Variants in SOX5 observed in about 807,000 individuals in gnomAD.
SOX5 encodes SRY-box transcription factor 5.
Under a neutral mutation model 92.0 loss-of-function variants are expected in SOX5, and 9 were observed. The observed-to-expected ratio is 0.10, with a 90% CI of 0.06 to 0.17. SOX5 has a LOEUF of 0.17. Among genes scored for constraint, SOX5 ranks in the 10% least tolerant of loss-of-function variants. The pLI is 1.00. For missense variants in SOX5, 642 were observed against 944.5 expected (o/e 0.68, Z 4.20); for synonymous variants, 344 against 336.3 (o/e 1.02, Z -0.25).
At chr12:23,760,596 A>T (rs979929363) in intron 3 of SOX5, among the ~76,000 whole-genome samples, 21 of 79,008 alleles carry the variant, frequency 2.7e-4, no homozygotes, top group African/African-American at 8.2e-4. Context: ...GCCTATGGCA[A>T]TCCCCACCAG....
chr12:24,084,834 A>T (rs1048992235), intron 4 of SOX5, among the ~76,000 whole-genome samples: 2 of 152,138 alleles, frequency 1.3e-5, no homozygotes, highest in Admixed American at 6.6e-5. Context: ...GTTTTACATT[A>T]ATACTACAAA....
intron 3 of SOX5, among the ~76,000 whole-genome samples, chr12:24,260,622 T>C (rs748115347): frequency 1.5e-4 from 23 of 152,308 alleles, no homozygotes; most frequent in Non-Finnish European, 1.6e-4. Context: ...TGATATCTTT[T>C]TCTTATTTAA....
rs149215692 is a variant in SOX5, at chr12:23,828,753, CA to C, written c.481+17229del. Among the ~76,000 whole-genome samples, 866 of 132,832 alleles carry C rather than the reference CA, an allele frequency of 6.5e-3. 4 individuals are homozygous for C. Among genetic ancestry groups the C allele is most frequent in the Middle Eastern group, 7.8e-3 (2 of 256 alleles). 87.1% of individuals were successfully genotyped at this position (132,832 alleles called of 152,430 possible). On this transcript the variant is annotated intron_variant, in intron 3 of 14. Coordinates refer to ENST00000451604, the MANE Select transcript of SOX5 (RefSeq NM_006940.6). The stretch of plus-strand genomic sequence containing the variant: ...AAGTTGCTTTTCAAATTCAGGACAT[CA>C]AAAAAAAAAAAAAGCACTTATTCTT...
At chr12:23,772,478 T>C (rs2094964318) in intron 3 of SOX5, among the ~76,000 whole-genome samples, 2 of 152,254 alleles carry the variant, frequency 1.3e-5, no homozygotes, top group African/African-American at 4.8e-5. Context: ...AATACGTGTA[T>C]GTCTTTTGTT....
At chr12:23,678,108 C>T (rs962904956) in intron 6 of SOX5, among the ~76,000 whole-genome samples, 1 of 152,042 alleles carries the variant, frequency 6.6e-6, no homozygotes, top group African/African-American at 2.4e-5. Flanking sequence ...ACCAAAAAGG[C>T]CATGGTAGAT....
At chr12:24,172,704 T>C (rs1327166083) in intron 4 of SOX5, among the ~76,000 whole-genome samples, 1 of 152,134 alleles carries the variant, frequency 6.6e-6, no homozygotes, top group Non-Finnish European at 1.5e-5. Flanking sequence ...AGCAGAAAGA[T>C]GCAGAAAGTT....
At position 24,051,285 on chromosome 12, in the gene SOX5, A is replaced by T. The variant is rs200254485; in HGVS notation, c.-1-155261T>A. ...TGTTGAAACAGTTCCAAAATTTTAC[A>T]ATGATGGGAAGACTCAAATTTTTAA... On this transcript the variant is annotated intron_variant, in intron 4 of 4. Coordinates refer to the SOX5 transcript ENST00000446891. 3.3e-4 allele frequency among the ~76,000 whole-genome samples: 51 copies of T among 152,288 alleles called. No individual in the cohort carries two copies. The East Asian group carries it at 9.3e-3, about 28-fold the overall frequency.
At chr12:23,563,988 T>A (rs1239794076) in intron 10 of SOX5, among the ~76,000 whole-genome samples, 10 of 152,340 alleles carry the variant, frequency 6.6e-5, no homozygotes, top group Admixed American at 6.5e-4. Flanking sequence ...TTGCTATTGA[T>A]GCAAACTTGT....
At chr12:24,426,222 C>A (rs374505270) in intron 1 of SOX5, among the ~76,000 whole-genome samples, 163 of 136,480 alleles carry the variant, frequency 1.2e-3, no homozygotes, top group South Asian at 5.2e-3. Flanking sequence ...AACAAACAAA[C>A]AAAAAAAACA....
intron 1 of SOX5, among the ~76,000 whole-genome samples, chr12:24,468,884 C>T (rs1414877762): frequency 6.6e-6 from 1 of 152,112 alleles, no homozygotes; most frequent in East Asian, 1.9e-4. Flanking sequence ...TCTAAACCAG[C>T]AGTATCCAAC....
At position 23,548,828 on chromosome 12, in the gene SOX5, TATATTGA is replaced by T. The variant is rs1943648488; in HGVS notation, c.1489-2411_1489-2405del. Among the ~76,000 whole-genome samples the T allele has an allele frequency of 2.6e-5, 4 of 152,158 alleles. No individual in the cohort carries two copies. The South Asian group carries it at 8.3e-4, about 32-fold the overall frequency. On this transcript the variant is annotated intron_variant, in intron 11 of 14. Transcript: ENST00000451604. ...TATATGTGGTTAGGTGTCTAGGTAA[TATATTGA>T]ACCACCAAAAGAATGAATGGGATTT...
At chr12:24,260,405 A>C (rs1240527459) in intron 3 of SOX5, among the ~76,000 whole-genome samples, 1 of 152,232 alleles carries the variant, frequency 6.6e-6, no homozygotes, top group Non-Finnish European at 1.5e-5. Context: ...TAAAAGAGTT[A>C]ATCCATAGAA....
chr12:24,330,959 AC>A (rs1211023925), intron 2 of SOX5, among the ~76,000 whole-genome samples: 1 of 152,222 alleles, frequency 6.6e-6, no homozygotes, highest in East Asian at 1.9e-4. Context: ...TGAAGCAGCC[AC>A]ACGCTAATAT....
intron 3 of SOX5, among the ~76,000 whole-genome samples, chr12:24,260,492 T>C (rs1044806653): frequency 6.6e-6 from 1 of 152,186 alleles, no homozygotes; most frequent in African/African-American, 2.4e-5. Context: ...AATATACCTA[T>C]TGCTAACCAA....
At chr12:24,128,585 G>A (rs1949339999) in intron 4 of SOX5, among the ~76,000 whole-genome samples, 1 of 152,110 alleles carries the variant, frequency 6.6e-6, no homozygotes, top group African/African-American at 2.4e-5. Context: ...GTGAGAAGGG[G>A]GCGGTTCTAC....
chr12:23,893,272 C>G (rs902514369), intron 2 of SOX5, among the ~76,000 whole-genome samples: 1 of 152,118 alleles, frequency 6.6e-6, no homozygotes, highest in Admixed American at 6.5e-5. Flanking sequence ...ATGGTGAAAC[C>G]CTGTCTCTAT....
intron 4 of SOX5, among the ~76,000 whole-genome samples, chr12:24,179,994 T>C (rs933638494): frequency 2.6e-5 from 4 of 151,696 alleles, no homozygotes; most frequent in African/African-American, 9.7e-5. Flanking sequence ...ATTGCCCAGG[T>C]TATGCAGTGG....
At chr12:24,437,062 C>T (rs1939582165) in intron 1 of SOX5, among the ~76,000 whole-genome samples, 1 of 152,184 alleles carries the variant, frequency 6.6e-6, no homozygotes, top group African/African-American at 2.4e-5. Context: ...ATTAACAATG[C>T]ACTTGGTCAC....
At chr12:24,476,034 A>G (rs1421087370) in intron 1 of SOX5, among the ~76,000 whole-genome samples, 3 of 151,998 alleles carry the variant, frequency 2.0e-5, no homozygotes, top group Admixed American at 6.6e-5. Context: ...AAAATTTTAC[A>G]ATCAACTCCT....
Sources: gnomAD v4.1 joint callset for allele counts (sites outside exome capture counted in the v4.1 genomes callset) on GRCh38, gnomAD v4.1.1 for gene constraint, MANE v1.5 for transcripts, NCBI Gene and HGNC (gene_info 2026-07-23, HGNC 2026-07-21) for gene names.